Variants in VGLL4 observed in about 807,000 individuals in gnomAD.
The protein encoded by VGLL4 is transcription cofactor vestigial-like protein 4.
In VGLL4, 7 loss-of-function variants were observed where a neutral mutation model predicts 21.0. The ratio of observed to expected loss-of-function variants is 0.33; its 90% CI spans 0.19 to 0.63. The LOEUF is 0.63. Ranked by LOEUF, VGLL4 falls within the 20% of genes least tolerant of loss-of-function variation. The pLI, the probability that VGLL4 is intolerant of heterozygous loss-of-function variation, is 0.78. For missense variants in VGLL4, 394 were observed against 425.7 expected (o/e 0.93, Z 0.66); for synonymous variants, 222 against 173.2 (o/e 1.28, Z -2.21).
upstream of VGLL4, among the ~76,000 whole-genome samples, chr3:11,644,239 C>T (rs762809893): frequency 3.3e-5 from 5 of 152,166 alleles, no homozygotes; most frequent in Non-Finnish European, 7.4e-5. Context: ...TTTCGTGAAA[C>T]TTCATGTTGG....
chr3:11,673,044 C>T lies in VGLL4; in HGVS notation c.64+29927G>A, dbSNP rs538080621. On this transcript the variant is annotated intron_variant, in intron 2 of 5. Coordinates refer to the VGLL4 transcript ENST00000273038. ...CCGGACTGGGGGTTCCACAAACAGTCAGCCCTCAGAGATCACCCAACATTG... is the reference window on the plus strand; with the variant it reads ...CCGGACTGGGGGTTCCACAAACAGTTAGCCCTCAGAGATCACCCAACATTG... Among the ~76,000 whole-genome samples the T allele has an allele frequency of 3.9e-5, 6 of 152,254 alleles. No homozygotes were observed. The East Asian group carries it at 1.2e-3, about 29-fold the overall frequency.
At chr3:11,570,377 A>G (rs2073727599) in intron 2 of VGLL4, among the ~76,000 whole-genome samples, 1 of 152,140 alleles carries the variant, frequency 6.6e-6, no homozygotes, top group South Asian at 2.1e-4. Context: ...GCCGGCCACC[A>G]AGGTCTGTCC....
intron 1 of VGLL4, among the ~76,000 whole-genome samples, chr3:11,707,898 T>C (rs2076785133): frequency 6.6e-6 from 1 of 152,162 alleles, no homozygotes; most frequent in African/African-American, 2.4e-5. Flanking sequence ...TTATGTCTTA[T>C]ATACATCCTA....
At chr3:11,617,424 A>T (rs1295304612) in intron 1 of VGLL4, among the ~76,000 whole-genome samples, 2 of 152,234 alleles carry the variant, frequency 1.3e-5, no homozygotes, top group Non-Finnish European at 2.9e-5. Flanking sequence ...AAGCACTGAC[A>T]CAGCTACAGG....
intron 2 of VGLL4, among the ~76,000 whole-genome samples, chr3:11,581,059 ACTC>A (rs1002263577): frequency 6.5e-5 from 9 of 138,788 alleles, no homozygotes; most frequent in Non-Finnish European, 1.4e-4. Flanking sequence ...TCAATCTGCA[ACTC>A]CTTTTTTTTT....
intron 2 of VGLL4, among the ~76,000 whole-genome samples, chr3:11,682,794 G>A (rs1036588457): frequency 1.3e-5 from 2 of 152,016 alleles, no homozygotes; most frequent in Non-Finnish European, 2.9e-5. Context: ...CAGGAATCTT[G>A]CAAAGGGAAC....
At position 11,602,222 on chromosome 3, in the gene VGLL4, C is replaced by T. The variant is rs188780223; in HGVS notation, c.83-200G>A. On this transcript the variant is annotated intron_variant, in intron 1 of 4. Coordinates refer to ENST00000430365, the MANE Select transcript of VGLL4 (RefSeq NM_001128219.3). ...CCAACCATGAGACATTTTACATCAA[C>T]GTGGTTTTCTAGCACAGTCACTCTT... Among the ~76,000 whole-genome samples, 250 of 152,276 alleles carry T rather than the reference C, an allele frequency of 1.6e-3. 3 individuals are homozygous for T. The highest frequency in any genetic ancestry group is 6.8e-3 in the Middle Eastern group (2 of 294).
At chr3:11,562,170 T>G (rs1025754774) in intron 3 of VGLL4, among the ~76,000 whole-genome samples, 12 of 152,148 alleles carry the variant, frequency 7.9e-5, no homozygotes, top group African/African-American at 2.2e-4. Context: ...GGGCTGGGAT[T>G]ACAGGTGTGA....
At chr3:11,649,444 C>G (rs1284796478) in intron 2 of VGLL4, among the ~76,000 whole-genome samples, 1 of 152,130 alleles carries the variant, frequency 6.6e-6, no homozygotes, top group Non-Finnish European at 1.5e-5. Context: ...TTCTAACTAG[C>G]CTACAAATAG....
At chr3:11,632,396 C>T (rs756308064) in intron 1 of VGLL4, among the ~76,000 whole-genome samples, 18 of 152,022 alleles carry the variant, frequency 1.2e-4, no homozygotes, top group Non-Finnish European at 2.5e-4. Flanking sequence ...CAAGACGAAC[C>T]ATTTCATCTT....
intron 2 of VGLL4, among the ~76,000 whole-genome samples, chr3:11,569,499 G>T (rs966880239): frequency 6.6e-6 from 1 of 152,236 alleles, no homozygotes; most frequent in Non-Finnish European, 1.5e-5. Context: ...TGCCTGGCAG[G>T]AGTAGAATGA....
chr3:11,595,843 G>C (rs1164330980), intron 2 of VGLL4, among the ~76,000 whole-genome samples: 1 of 24,342 alleles, frequency 4.1e-5, no homozygotes, highest in African/African-American at 1.1e-4. Flanking sequence ...TTGTGGTGTG[G>C]GGGGGGCGGG....
At chr3:11,700,266 A>T (rs904250220) in intron 2 of VGLL4, among the ~76,000 whole-genome samples, 2 of 152,250 alleles carry the variant, frequency 1.3e-5, no homozygotes, top group Non-Finnish European at 2.9e-5. Context: ...TTAAAGACAC[A>T]AAAGGTTACC....
intron 1 of VGLL4, among the ~76,000 whole-genome samples, chr3:11,617,369 A>T: frequency 6.6e-6 from 1 of 152,168 alleles, no homozygotes; most frequent in Admixed American, 6.5e-5. Flanking sequence ...ACACAGGTGA[A>T]CGGCTGAGAC....
intron 1 of VGLL4, among the ~76,000 whole-genome samples, chr3:11,712,665 AT>A (rs2076864569): frequency 6.6e-6 from 1 of 152,116 alleles, no homozygotes; most frequent in African/African-American, 2.4e-5. Context: ...CTCCAATGCT[AT>A]TTTTACTACT....
chr3:11,709,075 T>C (rs1332959335), intron 1 of VGLL4, among the ~76,000 whole-genome samples: 1 of 150,376 alleles, frequency 6.6e-6, no homozygotes, highest in East Asian at 2.0e-4. Flanking sequence ...ATAATAATAA[T>C]AATAATCCAT....
At chr3:11,589,969 A>G (rs1285102291) in intron 2 of VGLL4, among the ~76,000 whole-genome samples, 1 of 152,188 alleles carries the variant, frequency 6.6e-6, no homozygotes, top group Non-Finnish European at 1.5e-5. Context: ...CACTCAGTCC[A>G]TAACAGATTC....
chr3:11,637,184 G>A (rs2075604914), intron 1 of VGLL4, among the ~76,000 whole-genome samples: 1 of 152,118 alleles, frequency 6.6e-6, no homozygotes, highest in Non-Finnish European at 1.5e-5. Context: ...ATAATACCTG[G>A]AAGGGGCGAT....
intron 2 of VGLL4, among the ~76,000 whole-genome samples, chr3:11,690,235 T>G (rs2076507914): frequency 6.6e-6 from 1 of 152,248 alleles, no homozygotes; most frequent in Non-Finnish European, 1.5e-5. Flanking sequence ...TAATCCCATC[T>G]GTTTTCAGTC....
Sources: gnomAD v4.1 joint callset for allele counts (sites outside exome capture counted in the v4.1 genomes callset) on GRCh38, gnomAD v4.1.1 for gene constraint, MANE v1.5 for transcripts, NCBI Gene and HGNC (gene_info 2026-07-23, HGNC 2026-07-21) for gene names.